Variants in CNTNAP2 observed in about 807,000 individuals in gnomAD.
CNTNAP2 encodes contactin associated protein 2.
A neutral mutation model predicts 155.2 loss-of-function variants in CNTNAP2; 98 were observed. That is an observed-to-expected ratio of 0.63 (90% CI 0.54 to 0.75). The LOEUF (loss-of-function observed/expected upper bound fraction) is 0.75, where lower values mean the gene tolerates loss of function less well. Ranked by LOEUF, CNTNAP2 falls within the 30% of genes least tolerant of loss-of-function variation. CNTNAP2 has a pLI of 0.00. For synonymous variants in CNTNAP2, 651 were observed against 631.2 expected (o/e 1.03, Z -0.47); for missense variants, 1,727 against 1,688.1 (o/e 1.02, Z -0.40).
intron 15 of CNTNAP2, among the ~76,000 whole-genome samples, chr7:148,065,238 T>C (rs888728218): frequency 3.3e-5 from 5 of 152,200 alleles, no homozygotes; most frequent in African/African-American, 7.2e-5. Context: ...GAACGTTCCA[T>C]GTGCTGATGA....
rs376460265 is a variant in CNTNAP2, at chr7:148,369,181, C to CTTTTTT, written c.3476-14443_3476-14438dup. Among the ~76,000 whole-genome samples the CTTTTTT allele has an allele frequency of 4.1e-4, 38 of 92,350 alleles. 1 individual carries two copies. The highest frequency in any genetic ancestry group is 8.0e-4 in the East Asian group (2 of 2,494). The allele number at this position is 92,350 out of a possible 152,430, so 60.6% of individuals were successfully genotyped here. A position where few individuals can be genotyped will look rare whatever the true frequency, so the allele number is the denominator to read the frequency against. The stretch of plus-strand genomic sequence containing the variant: ...ATTTTTTTTAATTAAAATTGAATCC[C>CTTTTTT]TTTTTTTTTTTTTTTTTTTTTTTTT... On this transcript the variant is annotated intron_variant, in intron 21 of 23. Transcript: ENST00000361727.
chr7:146,632,217 T>C (rs909921860), intron 1 of CNTNAP2, among the ~76,000 whole-genome samples: 1 of 152,158 alleles, frequency 6.6e-6, no homozygotes, highest in Non-Finnish European at 1.5e-5. Context: ...GTGATTGTAT[T>C]TTTCATTGGT....
intron 10 of CNTNAP2, among the ~76,000 whole-genome samples, chr7:147,456,973 C>T (rs1398372605): frequency 6.6e-6 from 1 of 152,104 alleles, no homozygotes; most frequent in African/African-American, 2.4e-5. Flanking sequence ...ATAACTATTC[C>T]ACTAAGAGTT....
At chr7:148,131,449 C>A (rs1298663633) in intron 16 of CNTNAP2, among the ~76,000 whole-genome samples, 1 of 152,112 alleles carries the variant, frequency 6.6e-6, no homozygotes, top group Non-Finnish European at 1.5e-5. Flanking sequence ...CCTTTCCCTT[C>A]TAAAAGATGG....
At chr7:147,512,601 T>C (rs1158874180) in intron 11 of CNTNAP2, among the ~76,000 whole-genome samples, 1 of 152,186 alleles carries the variant, frequency 6.6e-6, no homozygotes, top group African/African-American at 2.4e-5. Flanking sequence ...TTAAAGTTAT[T>C]TATCATTAGG....
chr7:148,043,132 C>T (rs1043480935), intron 15 of CNTNAP2, among the ~76,000 whole-genome samples: 3 of 152,210 alleles, frequency 2.0e-5, no homozygotes, highest in African/African-American at 7.2e-5. Context: ...CAGCCTGATA[C>T]ATTGCCACCT....
intron 1 of CNTNAP2, among the ~76,000 whole-genome samples, chr7:146,241,070 A>G (rs1799552575): frequency 6.6e-6 from 1 of 152,142 alleles, no homozygotes; most frequent in South Asian, 2.1e-4. Context: ...TTCACTCAGT[A>G]TTGCCAAGAT....
chr7:146,313,494 G>C (rs904252765), intron 1 of CNTNAP2, among the ~76,000 whole-genome samples: 3 of 152,064 alleles, frequency 2.0e-5, no homozygotes, highest in Non-Finnish European at 4.4e-5. Context: ...TTTAAATCTG[G>C]TTTCTCTCTT....
intron 3 of CNTNAP2, among the ~76,000 whole-genome samples, chr7:146,952,954 TGTAA>T (rs1349855276): frequency 6.6e-6 from 1 of 152,078 alleles, no homozygotes; most frequent in East Asian, 1.9e-4. Context: ...ACATGTTTAT[TGTAA>T]GTGACAGTCC....
chr7:146,750,258 T>G (rs535733643), intron 1 of CNTNAP2, among the ~76,000 whole-genome samples: 3 of 152,264 alleles, frequency 2.0e-5, no homozygotes, highest in South Asian at 4.2e-4. Flanking sequence ...AGTTTGAGAA[T>G]CTGCTTCTCT....
chr7:148,270,958 T>C (rs1028957794), intron 21 of CNTNAP2, among the ~76,000 whole-genome samples: 3 of 152,224 alleles, frequency 2.0e-5, no homozygotes, highest in Non-Finnish European at 4.4e-5. Context: ...CAGAGACTTT[T>C]TTTGAAACTA....
intron 21 of CNTNAP2, among the ~76,000 whole-genome samples, chr7:148,306,403 T>G (rs141150556): frequency 8.8e-4 from 134 of 152,324 alleles, no homozygotes; most frequent in African/African-American, 3.2e-3. Flanking sequence ...TTTCATTTCC[T>G]GTTCTCTCTT....
chr7:147,030,706 C>T lies in CNTNAP2; in HGVS notation c.403-13201C>T, dbSNP rs1303030532. On this transcript the variant is annotated intron_variant, in intron 3 of 23. Transcript: ENST00000361727. ...ACTAGTTAGCTGACTTACTTTTCCA[C>T]ACATCTGACTACTTTTAGAAGTTAT... 2.6e-5 allele frequency among the ~76,000 whole-genome samples: 4 copies of T among 152,062 alleles called. No individual in the cohort carries two copies. In the East Asian group the frequency reaches 5.8e-4, roughly 22 times the overall value.
At chr7:146,837,750 C>A (rs1200608420) in intron 2 of CNTNAP2, among the ~76,000 whole-genome samples, 3 of 152,084 alleles carry the variant, frequency 2.0e-5, no homozygotes, top group Admixed American at 2.0e-4. Flanking sequence ...TTTTCAGTAA[C>A]CTTTGCTCAG....
At chr7:147,889,868 A>G (rs1799658589) in intron 13 of CNTNAP2, among the ~76,000 whole-genome samples, 1 of 152,240 alleles carries the variant, frequency 6.6e-6, no homozygotes, top group South Asian at 2.1e-4. Context: ...ATGCACACAT[A>G]GTACTATTAG....
intron 21 of CNTNAP2, among the ~76,000 whole-genome samples, chr7:148,322,764 G>GT (rs146110131): frequency 0.26 from 35,839 of 137,872 alleles, 4,586 homozygotes; most frequent in Middle Eastern, 0.34. Flanking sequence ...TAAATAAGTA[G>GT]TTTTGTTTTG....
In CNTNAP2 at chr7:146,874,582, G is replaced by A. The variant is rs551902903; in HGVS notation, c.402+34678G>A. 2.1e-3 allele frequency among the ~76,000 whole-genome samples: 315 copies of A among 152,078 alleles called. 2 individuals are homozygous for A. The highest frequency in any genetic ancestry group is 3.5e-3 in the Non-Finnish European group (235 of 67,972). ...TTGAACTCCTGACCTCAGGTGATCC[G>A]CCCACCGTGGCCTCCCAAAGTGCTG... On this transcript the variant is annotated intron_variant, in intron 3 of 23. Transcript: ENST00000361727.
intron 1 of CNTNAP2, among the ~76,000 whole-genome samples, chr7:146,184,523 G>C (rs963389039): frequency 6.6e-6 from 1 of 152,182 alleles, no homozygotes; most frequent in African/African-American, 2.4e-5. Flanking sequence ...AGAAACATTA[G>C]TTAATAGAAT....
At chr7:147,520,502 T>C (rs1799212937) in intron 11 of CNTNAP2, among the ~76,000 whole-genome samples, 1 of 152,206 alleles carries the variant, frequency 6.6e-6, no homozygotes, top group Non-Finnish European at 1.5e-5. Context: ...CTTCATGCTC[T>C]GTCCATTAGG....
Sources: allele counts gnomAD v4.1 joint callset (sites outside exome capture counted in the v4.1 genomes callset), GRCh38; gene constraint gnomAD v4.1.1; transcripts MANE v1.5; gene names NCBI Gene and HGNC (gene_info 2026-07-23, HGNC 2026-07-21).